Variants in CNNM2 observed in about 807,000 individuals in gnomAD.
The protein encoded by CNNM2 is cyclin and CBS domain divalent metal cation transport mediator 2, also known as metal transporter CNNM2.
Under a neutral mutation model 66.9 loss-of-function variants are expected in CNNM2, and 12 were observed. The observed-to-expected ratio is 0.18, with a 90% CI of 0.11 to 0.29. The LOEUF (loss-of-function observed/expected upper bound fraction) is 0.29, where lower values mean the gene tolerates loss of function less well. CNNM2 is among the 10% of genes least tolerant of loss of function. CNNM2 has a pLI of 1.00. For synonymous variants in CNNM2, 557 were observed against 501.8 expected, an observed-to-expected ratio of 1.11 and a Z score of -1.47; for missense variants, 705 against 1,167.7, an observed-to-expected ratio of 0.60 and a Z score of 5.77.
chr10:102,927,285 AC>A, intron 1 of CNNM2: 2 of 1,606,624 alleles, frequency 1.2e-6, no homozygotes, highest in Non-Finnish European at 1.7e-6. Flanking sequence ...GAAGTGGATC[AC>A]TAGGATTGAA....
At chr10:103,055,255 C>T (rs1022981654) in intron 3 of CNNM2, among the ~76,000 whole-genome samples, 1 of 152,180 alleles carries the variant, frequency 6.6e-6, no homozygotes, top group Non-Finnish European at 1.5e-5. Flanking sequence ...TAGAAGACAT[C>T]GGTGTCCCTG....
chr10:103,002,358 G>A (rs758298990), intron 1 of CNNM2, among the ~76,000 whole-genome samples: 53 of 152,206 alleles, frequency 3.5e-4, no homozygotes, highest in Middle Eastern at 3.4e-3. Flanking sequence ...CAATAAGCAC[G>A]TGAAAAGATG....
chr10:103,037,428 A>G (rs1426885253), intron 1 of CNNM2, among the ~76,000 whole-genome samples: 1 of 151,994 alleles, frequency 6.6e-6, no homozygotes, highest in Non-Finnish European at 1.5e-5. Context: ...ATGTCTGGCT[A>G]CTCAATATGT....
chr10:103,076,868 A>G, intron 7 of CNNM2, 103 bp from the exon 8 acceptor site: 1 of 1,032,134 alleles, frequency 9.7e-7, no homozygotes. Flanking sequence ...ATTTTCTCCT[A>G]GAGAGGCTGC....
intron 1 of CNNM2, among the ~76,000 whole-genome samples, chr10:102,965,923 C>T (rs1177396095): frequency 6.6e-6 from 1 of 151,590 alleles, no homozygotes; most frequent in Non-Finnish European, 1.5e-5. Context: ...AACAGTTCTT[C>T]AGGGGAAAAA....
chr10:102,971,773 G>A (rs934405416), intron 1 of CNNM2, among the ~76,000 whole-genome samples: 2 of 152,028 alleles, frequency 1.3e-5, no homozygotes, highest in Admixed American at 6.6e-5. Context: ...AGTAATGTCC[G>A]TGTGTTTCAG....
rs1411931510 is a variant in CNNM2 at position 103,090,026 on chromosome 10, G to A, written c.*12846G>A. On this transcript the variant is annotated 3_prime_UTR_variant, in exon 8 of 8. Coordinates refer to ENST00000369878, the MANE Select transcript of CNNM2 (RefSeq NM_017649.5). ...CAATTACATCTATAATGGACCACAG[G>A]ACAAGTCAATATAGACTTATCTTCA... The A allele has an allele frequency of 1.4e-6, 1 of 709,376 alleles. No homozygotes were observed. The highest frequency in any genetic ancestry group is 2.2e-5 in the South Asian group (1 of 45,708). 43.9% of individuals were successfully genotyped at this position (709,376 alleles called of 1,614,324 possible).
rs529884627 is a variant in CNNM2, at chr10:103,004,996, T to C, written c.1622-44711T>C. ...GAATGGTCTTTAATTTCTTTTTTTT[T>C]CCCCCCTCCAGGTTAAAGTGATTCT... On this transcript the variant is annotated intron_variant, in intron 1 of 7. Transcript: ENST00000369878. Among the ~76,000 whole-genome samples, 109 of 152,104 alleles carry C rather than the reference T, an allele frequency of 7.2e-4. 1 individual carries two copies. The highest frequency in any genetic ancestry group is 2.5e-3 in the African/African-American group (103 of 41,490).
At chr10:103,046,068 A>G (rs529531304) in intron 1 of CNNM2, among the ~76,000 whole-genome samples, 5 of 152,360 alleles carry the variant, frequency 3.3e-5, no homozygotes, top group East Asian at 1.9e-4. Flanking sequence ...AACGAGCATT[A>G]CCACTTAGTG....
chr10:102,935,630 AG>A (rs1846210229), intron 1 of CNNM2, among the ~76,000 whole-genome samples: 1 of 139,506 alleles, frequency 7.2e-6, no homozygotes, highest in African/African-American at 2.7e-5. Context: ...TTTTTGAGAC[AG>A]GGTCTTGCTC....
At chr10:102,998,363 T>A (rs764428826) in intron 1 of CNNM2, among the ~76,000 whole-genome samples, 2 of 152,224 alleles carry the variant, frequency 1.3e-5, no homozygotes, top group Non-Finnish European at 2.9e-5. Context: ...TATTCAATAC[T>A]GTTAAAGATA....
rs12264415 is a variant in CNNM2 at position 103,007,428 on chromosome 10, T to G, written c.1622-42279T>G. Among the ~76,000 whole-genome samples the G allele has an allele frequency of 0.41, 61,908 of 151,826 alleles. 12,833 individuals carry two copies. The highest frequency in any genetic ancestry group is 0.56 in the East Asian group (2,876 of 5,148). ...TGGGGTTTCTTTCCCACCCTAATAA[T>G]CCTGAGGGTACTGCAGGAGACCAGG... On this transcript the variant is annotated intron_variant, in intron 1 of 7. Coordinates refer to ENST00000369878, the MANE Select transcript of CNNM2 (RefSeq NM_017649.5).
At chr10:102,983,241 A>C (rs1359651939) in intron 1 of CNNM2, among the ~76,000 whole-genome samples, 1 of 150,880 alleles carries the variant, frequency 6.6e-6, no homozygotes, top group Non-Finnish European at 1.5e-5. Context: ...ATAATTAAGG[A>C]GTAAAATATA....
chr10:103,037,064 T>C (rs1409684067), intron 1 of CNNM2, among the ~76,000 whole-genome samples: 1 of 152,120 alleles, frequency 6.6e-6, no homozygotes, highest in Non-Finnish European at 1.5e-5. Flanking sequence ...AGGATCTTCC[T>C]GTTGTTCCTT....
chr10:103,074,923 G>T (rs1244525408), intron 6 of CNNM2, among the ~76,000 whole-genome samples: 1 of 152,172 alleles, frequency 6.6e-6, no homozygotes, highest in Non-Finnish European at 1.5e-5. Context: ...GTTTTAAGAC[G>T]GTGATGGGGT....
intron 1 of CNNM2, among the ~76,000 whole-genome samples, chr10:103,009,149 G>T (rs1240327655): frequency 6.6e-6 from 1 of 152,136 alleles, no homozygotes; most frequent in Non-Finnish European, 1.5e-5. Flanking sequence ...GGTGGCGCAT[G>T]CCTGTTATCC....
At chr10:103,061,543 T>TA (rs1321392635) in intron 4 of CNNM2, among the ~76,000 whole-genome samples, 1 of 152,122 alleles carries the variant, frequency 6.6e-6, no homozygotes, top group African/African-American at 2.4e-5. Flanking sequence ...TCCTCTCCTA[T>TA]AAAAGCAGCT....
intron 1 of CNNM2, among the ~76,000 whole-genome samples, chr10:103,043,690 G>A (rs1276111038): frequency 6.6e-6 from 1 of 152,196 alleles, no homozygotes; most frequent in African/African-American, 2.4e-5. Context: ...GATGATTTTA[G>A]TTGCTTAGTC....
At chr10:102,956,160 C>T (rs183454650) in intron 1 of CNNM2, among the ~76,000 whole-genome samples, 1,650 of 152,078 alleles carry the variant, frequency 0.011, 16 homozygotes, top group Non-Finnish European at 0.018. Flanking sequence ...TGGTGGCGGG[C>T]GCCTGTAGTC....
Sources: allele counts gnomAD v4.1 joint callset (sites outside exome capture counted in the v4.1 genomes callset), GRCh38; gene constraint gnomAD v4.1.1; transcripts MANE v1.5; gene names NCBI Gene and HGNC (gene_info 2026-07-23, HGNC 2026-07-21).